Variants in TPRG1 observed in about 807,000 individuals in gnomAD.
TPRG1 encodes the protein tumor protein p63-regulated gene 1 protein.
A neutral mutation model predicts 29.3 loss-of-function variants in TPRG1; 29 were observed. The ratio of observed to expected loss-of-function variants is 0.99; its 90% confidence interval spans 0.74 to 1.35. The LOEUF is 1.35. Among genes scored for constraint, TPRG1 ranks in the 40% most tolerant of loss-of-function variants. TPRG1 has a pLI of 0.00. For missense variants in TPRG1, 327 were observed against 335.0 expected, an observed-to-expected ratio of 0.98 and a Z score of 0.19; for synonymous variants, 130 against 116.8, an observed-to-expected ratio of 1.11 and a Z score of -0.73.
At chr3:189,270,248 C>T (rs1314389380) in intron 4 of TPRG1, among the ~76,000 whole-genome samples, 1 of 151,468 alleles carries the variant, frequency 6.6e-6, no homozygotes, top group Non-Finnish European at 1.5e-5. Flanking sequence ...TTGGAGGGAA[C>T]ATGCCTGGAT....
intron 5 of TPRG1, among the ~76,000 whole-genome samples, chr3:189,310,752 C>T (rs1317849198): frequency 6.6e-6 from 1 of 151,946 alleles, no homozygotes; most frequent in Non-Finnish European, 1.5e-5. Context: ...TGTAAATATA[C>T]ATTATATTTA....
chr3:189,024,016 T>C (rs1320499131), intron 4 of TPRG1: 1 of 152,342 alleles, frequency 6.6e-6, no homozygotes, highest in Non-Finnish European at 1.5e-5. Context: ...TGTGTTTTGG[T>C]AGAGCAGCTT....
Position 189,154,887 on chromosome 3 carries a change from T to A in TPRG1, c.-10+4015T>A, listed in dbSNP as rs568840329. 2.2e-4 allele frequency among the ~76,000 whole-genome samples: 34 copies of A among 152,170 alleles called. 1 individual carries two copies. The highest frequency in any genetic ancestry group is 7.2e-4 in the Admixed American group (11 of 15,292). On this transcript the variant is annotated intron_variant, in intron 5 of 6. Transcript: ENST00000412373. The stretch of plus-strand genomic sequence containing the variant: ...CAGGAAAGGTGAGTGGGTTGGGGTG[T>A]GGTGGCTATATTATGGAGATGTTTC...
intron 3 of TPRG1, among the ~76,000 whole-genome samples, chr3:189,135,128 A>T (rs1045505512): frequency 1.3e-5 from 2 of 151,444 alleles, no homozygotes; most frequent in East Asian, 1.9e-4. Flanking sequence ...ATGAACTTGG[A>T]TGCAGTCAGT....
intron 4 of TPRG1, among the ~76,000 whole-genome samples, chr3:189,065,799 C>G (rs906482293): frequency 6.6e-6 from 1 of 151,796 alleles, no homozygotes; most frequent in African/African-American, 2.4e-5. Context: ...AGTACTGGCG[C>G]TCTAGCTACT....
intron 4 of TPRG1, among the ~76,000 whole-genome samples, chr3:189,293,511 C>T (rs897920656): frequency 1.3e-5 from 2 of 152,028 alleles, no homozygotes; most frequent in African/African-American, 4.8e-5. Flanking sequence ...GTTTCCTACC[C>T]CACAGATTCC....
At chr3:189,132,746 T>C (rs187134905) in intron 3 of TPRG1, 1 of 152,358 alleles carries the variant, frequency 6.6e-6, no homozygotes, top group East Asian at 1.9e-4. Flanking sequence ...TACTCAAATC[T>C]GATTTGAAGC....
chr3:189,205,587 A>G (rs1459344292), intron 1 of TPRG1, among the ~76,000 whole-genome samples: 2 of 152,252 alleles, frequency 1.3e-5, no homozygotes, highest in Non-Finnish European at 2.9e-5. Flanking sequence ...ACAAGAACCA[A>G]GGAAATTGAT....
chr3:189,053,887 ATCT>A (rs1289745037), intron 4 of TPRG1, among the ~76,000 whole-genome samples: 2 of 152,144 alleles, frequency 1.3e-5, no homozygotes, highest in East Asian at 3.9e-4. Context: ...AGCTTGTTTG[ATCT>A]TCTTTACAGA....
chr3:189,144,369 A>G (rs1483738630), intron 3 of TPRG1, among the ~76,000 whole-genome samples: 1 of 152,194 alleles, frequency 6.6e-6, no homozygotes, highest in Non-Finnish European at 1.5e-5. Context: ...AGGAATATTT[A>G]GCCAAATACT....
intron 4 of TPRG1, among the ~76,000 whole-genome samples, chr3:189,056,625 A>C (rs1366301312): frequency 6.6e-6 from 1 of 152,180 alleles, no homozygotes; most frequent in African/African-American, 2.4e-5. Flanking sequence ...CCAGTTTACA[A>C]GTTCCTTGAG....
chr3:189,037,066 T>C (rs1714317693), intron 4 of TPRG1, among the ~76,000 whole-genome samples: 1 of 148,308 alleles, frequency 6.7e-6, no homozygotes, highest in Non-Finnish European at 1.5e-5. Flanking sequence ...AAAAAAAAAA[T>C]CACCCTCCTT....
intron 1 of TPRG1, among the ~76,000 whole-genome samples, chr3:189,110,296 C>T (rs1293931160): frequency 6.6e-6 from 1 of 152,174 alleles, no homozygotes; most frequent in African/African-American, 2.4e-5. Context: ...ATGTTAAGTG[C>T]ATAACAGTAT....
At chr3:189,273,442 C>A (rs1035966702) in intron 4 of TPRG1, among the ~76,000 whole-genome samples, 2 of 152,156 alleles carry the variant, frequency 1.3e-5, no homozygotes, top group Non-Finnish European at 2.9e-5. Flanking sequence ...GTCCTTCATT[C>A]CCATCCTCAC....
chr3:189,158,963 C>T (rs796479993), intron 5 of TPRG1, among the ~76,000 whole-genome samples: 7 of 144,644 alleles, frequency 4.8e-5, no homozygotes, highest in African/African-American at 1.9e-4. Flanking sequence ...GGTCTTTTTG[C>T]CCCAGACAAA....
chr3:189,107,594 A>T (rs1243339490), intron 1 of TPRG1, among the ~76,000 whole-genome samples: 6 of 152,120 alleles, frequency 3.9e-5, no homozygotes, highest in Non-Finnish European at 8.8e-5. Context: ...GAATCATATC[A>T]ATCTTTTCAT....
intron 1 of TPRG1, among the ~76,000 whole-genome samples, chr3:189,184,986 G>A (rs1458084941): frequency 3.9e-5 from 6 of 152,180 alleles, no homozygotes; most frequent in African/African-American, 1.2e-4. Flanking sequence ...AAGTCTGTCT[G>A]TCCCAGTGGG....
At chr3:189,055,263 T>C (rs1036132917) in intron 4 of TPRG1, among the ~76,000 whole-genome samples, 7 of 152,232 alleles carry the variant, frequency 4.6e-5, no homozygotes, top group Non-Finnish European at 1.0e-4. Context: ...AAAGACCTTC[T>C]ACTGTTCCTA....
intron 4 of TPRG1, among the ~76,000 whole-genome samples, chr3:189,306,955 G>T (rs909798009): frequency 6.6e-6 from 1 of 152,154 alleles, no homozygotes; most frequent in African/African-American, 2.4e-5. Flanking sequence ...TTGATAATTT[G>T]ATGTTGGCAA....
Sources: allele counts gnomAD v4.1 joint callset (sites outside exome capture counted in the v4.1 genomes callset), GRCh38; gene constraint gnomAD v4.1.1; transcripts MANE v1.5; gene names NCBI Gene and HGNC (gene_info 2026-07-23, HGNC 2026-07-21).